Variants in TRAPPC8 observed in about 807,000 individuals in gnomAD.
TRAPPC8 encodes the protein general sporulation gene 1 homolog.
In TRAPPC8, 54 loss-of-function variants were observed where a neutral mutation model predicts 174.3. That is an observed-to-expected ratio of 0.31 (90% CI 0.25 to 0.39). The LOEUF is 0.39. Ranked by LOEUF, TRAPPC8 falls within the 10% of genes least tolerant of loss-of-function variation. TRAPPC8 has a pLI of 1.00. For synonymous variants in TRAPPC8, 630 were observed against 579.9 expected, an observed-to-expected ratio of 1.09 and a Z score of -1.24; for missense variants, 1,531 against 1,699.1, an observed-to-expected ratio of 0.90 and a Z score of 1.74.
rs180897831 is a variant in TRAPPC8 at position 31,917,144 on chromosome 18, A to G, written c.442+434T>C. Reference sequence around the variant, plus strand: ...CGTCAGTAACCGCATTAAGAAAACTAAGCCACAATCATAAAAAAATACCCA... The same window carrying G: ...CGTCAGTAACCGCATTAAGAAAACTGAGCCACAATCATAAAAAAATACCCA... On this transcript the variant is annotated intron_variant, in intron 3 of 28. Transcript: ENST00000283351. 3.4e-3 allele frequency among the ~76,000 whole-genome samples: 524 copies of G among 152,254 alleles called. 1 individual carries two copies. The highest frequency in any genetic ancestry group is 6.0e-3 in the Non-Finnish European group (409 of 68,024).
intron 1 of TRAPPC8, among the ~76,000 whole-genome samples, chr18:31,931,733 T>C (rs2037853939): frequency 6.6e-6 from 1 of 152,134 alleles, no homozygotes; most frequent in Non-Finnish European, 1.5e-5. Context: ...ACAGGATTCC[T>C]TCCCCTCTCA....
intron 2 of TRAPPC8, among the ~76,000 whole-genome samples, chr18:31,925,558 G>A (rs189617747): frequency 1.3e-5 from 2 of 152,096 alleles, no homozygotes; most frequent in Non-Finnish European, 2.9e-5. Flanking sequence ...GTTTCAGAAA[G>A]AACAGAGAGA....
intron 1 of TRAPPC8, among the ~76,000 whole-genome samples, chr18:31,933,154 AG>A (rs2037926479): frequency 6.6e-6 from 1 of 151,898 alleles, no homozygotes; most frequent in Admixed American, 6.6e-5. Flanking sequence ...ATAAAAAATT[AG>A]CCGGGCGTGG....
At chr18:31,888,178 T>C (rs574467931) in intron 12 of TRAPPC8, among the ~76,000 whole-genome samples, 1 of 152,154 alleles carries the variant, frequency 6.6e-6, no homozygotes, top group Non-Finnish European at 1.5e-5. Flanking sequence ...CACTGATCAT[T>C]AGAGAAACGC....
intron 12 of TRAPPC8, among the ~76,000 whole-genome samples, chr18:31,877,778 C>A (rs2035232606): frequency 6.6e-6 from 1 of 151,872 alleles, no homozygotes; most frequent in Non-Finnish European, 1.5e-5. Flanking sequence ...ACAAAATTAG[C>A]CAGGCGTGGT....
chr18:31,924,280 C>T (rs942016703), intron 2 of TRAPPC8, among the ~76,000 whole-genome samples: 2 of 141,192 alleles, frequency 1.4e-5, no homozygotes, highest in African/African-American at 2.7e-5. Flanking sequence ...AGCAAGAATC[C>T]GTCTCAAAAA....
At chr18:31,942,149 A>C (rs2038372248) in intron 1 of TRAPPC8, among the ~76,000 whole-genome samples, 1 of 152,248 alleles carries the variant, frequency 6.6e-6, no homozygotes, top group Admixed American at 6.5e-5. Context: ...CAACGCTACA[A>C]GAATGTAATA....
At chr18:31,937,129 G>A (rs1480092881) in intron 1 of TRAPPC8, among the ~76,000 whole-genome samples, 1 of 152,124 alleles carries the variant, frequency 6.6e-6, no homozygotes, top group African/African-American at 2.4e-5. Context: ...CAGGAGAATG[G>A]AGTGAACCCA....
At chr18:31,863,936 TC>T (rs2034455832) in intron 19 of TRAPPC8, among the ~76,000 whole-genome samples, 1 of 151,274 alleles carries the variant, frequency 6.6e-6, no homozygotes, top group East Asian at 1.9e-4. Context: ...CCCTGGAGCT[TC>T]TGCCACTTCT....
At chr18:31,857,501 A>G in intron 20 of TRAPPC8, 39 bp downstream of exon 20, 1 of 1,482,962 alleles carries the variant, frequency 6.7e-7, no homozygotes, top group Non-Finnish European at 9.1e-7. Flanking sequence ...ATATACATTG[A>G]ACATAGATGT....
chr18:31,916,846 CAAAAA>C (rs5823825), intron 3 of TRAPPC8, among the ~76,000 whole-genome samples: 2 of 126,910 alleles, frequency 1.6e-5, no homozygotes, highest in African/African-American at 3.0e-5. Flanking sequence ...ATTTTCACAG[CAAAAA>C]AAAAAAAAAA....
intron 26 of TRAPPC8, chr18:31,844,945 T>A (rs1424124744): frequency 6.6e-6 from 1 of 151,894 alleles, no homozygotes; most frequent in Non-Finnish European, 1.5e-5. Flanking sequence ...TGAGGAGACA[T>A]GAGAAAAACC....
chr18:31,880,466 T>C (rs1020196439), intron 12 of TRAPPC8, among the ~76,000 whole-genome samples: 2 of 151,938 alleles, frequency 1.3e-5, no homozygotes, highest in Non-Finnish European at 2.9e-5. Flanking sequence ...ATAAAAGCTC[T>C]TAACAAACTA....
At chr18:31,886,258 C>T (rs2035707139) in intron 12 of TRAPPC8, among the ~76,000 whole-genome samples, 2 of 150,506 alleles carry the variant, frequency 1.3e-5, no homozygotes, top group African/African-American at 4.9e-5. Context: ...ATCAGCCCAC[C>T]TTGGCCTCTC....
chr18:31,852,315 A>C (rs7239098), intron 24 of TRAPPC8, 131 bp downstream of exon 24: 591,028 of 940,610 alleles, frequency 0.63, 188,315 homozygotes, highest in South Asian at 0.77. Flanking sequence ...TACTCCTGGG[A>C]GACAGAGCAA....
chr18:31,900,403 T>C (rs538125823), intron 10 of TRAPPC8, among the ~76,000 whole-genome samples: 2 of 152,316 alleles, frequency 1.3e-5, no homozygotes, highest in African/African-American at 2.4e-5. Flanking sequence ...TAAAACATTA[T>C]GCCTGCCAAT....
intron 2 of TRAPPC8, among the ~76,000 whole-genome samples, chr18:31,925,120 T>A (rs1193873944): frequency 6.6e-6 from 1 of 152,064 alleles, no homozygotes; most frequent in African/African-American, 2.4e-5. Context: ...TAAGCTTTCT[T>A]ATACTCAGTC....
rs544313573 is a variant in TRAPPC8, at chr18:31,870,968, T to C, written c.2215A>G (p.Ser739Gly). The C allele has an allele frequency of 1.0e-4, 162 of 1,599,108 alleles. 5 individuals are homozygous for C. The South Asian group carries it at 1.8e-3, about 18-fold the overall frequency. ...NFHPTQYCLNSYSDNSRFPLA... is the reference protein window; with the variant it reads ...NFHPTQYCLNGYSDNSRFPLA... Reference sequence around the variant, plus strand: ...GGAAATCTTGAATTATCTGAGTAACTGTTCAAACAGTATTGTGTGGGATGA... The same window carrying C: ...GGAAATCTTGAATTATCTGAGTAACCGTTCAAACAGTATTGTGTGGGATGA... Residue 739 changes from serine (S) to glycine (G), a missense_variant, in exon 15 of 29, where the codon AGT becomes GGT. Physicochemically the swap from Ser to Gly is moderately conservative, Grantham distance 56. Transcript: ENST00000283351.
rs3837889 is a variant in TRAPPC8, at chr18:31,903,121, C to CGTGTGTGT, written c.1390-2104_1390-2097dup. Among the ~76,000 whole-genome samples the CGTGTGTGT allele has an allele frequency of 3.2e-4, 48 of 149,104 alleles. 2 individuals are homozygous for CGTGTGTGT. In the East Asian group the frequency reaches 8.8e-3, roughly 27 times the overall value. On this transcript the variant is annotated intron_variant, in intron 9 of 28. Transcript: ENST00000283351. Reference sequence around the variant, plus strand: ...TTTTGATTGCGCGCGTGCGTGCGTGCGTGTGTGTGTGTGTGTGTGTGTTTT... The same window carrying CGTGTGTGT: ...TTTTGATTGCGCGCGTGCGTGCGTGCGTGTGTGTGTGTGTGTGTGTGTGTGTGTGTTTT...
Sources: gnomAD v4.1 joint callset for allele counts (sites outside exome capture counted in the v4.1 genomes callset) on GRCh38, gnomAD v4.1.1 for gene constraint, MANE v1.5 for transcripts, NCBI Gene and HGNC (gene_info 2026-07-23, HGNC 2026-07-21) for gene names.